The following EFL1 variants were observed in gnomAD, a reference collection of about 807,000 sequenced individuals.
EFL1 encodes elongation factor like GTPase 1.
EFL1 carries 76 observed loss-of-function variants against 126.7 expected under a neutral mutation model. The observed-to-expected ratio is 0.60, with a 90% confidence interval of 0.50 to 0.73. The LOEUF (loss-of-function observed/expected upper bound fraction) is 0.73, where lower values mean the gene tolerates loss of function less well. EFL1 is among the 30% of genes least tolerant of loss of function. The pLI is 0.00. For missense variants in EFL1, 1,128 were observed against 1,343.2 expected (o/e 0.84, Z 2.50); for synonymous variants, 410 against 448.4 (o/e 0.91, Z 1.08).
At chr15:82,199,646 T>C (rs888356213) in intron 15 of EFL1, among the ~76,000 whole-genome samples, 1 of 152,226 alleles carries the variant, frequency 6.6e-6, no homozygotes, top group African/African-American at 2.4e-5. Flanking sequence ...TGAACTTATT[T>C]AAATTCACAC....
intron 3 of EFL1, among the ~76,000 whole-genome samples, chr15:82,256,893 A>G (rs2075071506): frequency 6.6e-6 from 1 of 152,240 alleles, no homozygotes. Flanking sequence ...TTTTGCATCC[A>G]TAATCATAAG....
intron 13 of EFL1, 53 bp from the exon 14 acceptor site, chr15:82,219,871 A>G (rs757308507): frequency 2.8e-5 from 44 of 1,562,704 alleles, no homozygotes; most frequent in Non-Finnish European, 3.8e-5. Flanking sequence ...TAATTCAAGA[A>G]CTGTCTGAAA....
rs376037159 is a variant in EFL1 at position 82,258,727 on chromosome 15, C to T, written c.159+361G>A. Among the ~76,000 whole-genome samples the T allele has an allele frequency of 4.6e-5, 7 of 152,344 alleles. No homozygotes were observed. The East Asian group carries it at 1.2e-3, about 25-fold the overall frequency. Reference sequence around the variant, plus strand: ...CACTCCACTCAAATAGAGCACAACACACAAATTAGCCTTTATCCGTCTTAT... The same window carrying T: ...CACTCCACTCAAATAGAGCACAACATACAAATTAGCCTTTATCCGTCTTAT... On this transcript the variant is annotated intron_variant, in intron 3 of 19. Coordinates refer to ENST00000268206, the MANE Select transcript of EFL1 (RefSeq NM_024580.6).
At chr15:82,184,901 T>G (rs1008083190) in intron 15 of EFL1, among the ~76,000 whole-genome samples, 2 of 152,204 alleles carry the variant, frequency 1.3e-5, no homozygotes, top group Admixed American at 6.5e-5. Context: ...TTTGAGGATT[T>G]AGAGACAAGA....
intron 16 of EFL1, among the ~76,000 whole-genome samples, chr15:82,163,519 G>A (rs1355006247): frequency 2.6e-5 from 4 of 152,182 alleles, no homozygotes; most frequent in African/African-American, 4.8e-5. Context: ...CTGCGCAACA[G>A]AGTGAGACTC....
chr15:82,144,230 T>C (rs2073819080), intron 18 of EFL1, among the ~76,000 whole-genome samples: 1 of 146,868 alleles, frequency 6.8e-6, no homozygotes, highest in Non-Finnish European at 1.5e-5. Context: ...TACTCCAGCC[T>C]GGGTGACAGA....
chr15:82,249,024 C>A (rs2074997562), intron 4 of EFL1, among the ~76,000 whole-genome samples: 1 of 152,074 alleles, frequency 6.6e-6, no homozygotes, highest in Non-Finnish European at 1.5e-5. Context: ...TGTGCATACA[C>A]ATACAACTTG....
chr15:82,217,620 A>G (rs2074664479), intron 14 of EFL1, among the ~76,000 whole-genome samples: 2 of 152,168 alleles, frequency 1.3e-5, no homozygotes, highest in African/African-American at 4.8e-5. Flanking sequence ...TATTCTTTAG[A>G]AATACGTACA....
At chr15:82,248,629 G>A (rs35786339) in intron 4 of EFL1, among the ~76,000 whole-genome samples, 2,565 of 152,246 alleles carry the variant, frequency 0.017, 36 homozygotes, top group Middle Eastern at 0.058. Context: ...TGGTCTCCCT[G>A]TTTGGAGGAC....
chr15:82,244,199 C>T (rs1459953277), intron 4 of EFL1, among the ~76,000 whole-genome samples: 1 of 152,172 alleles, frequency 6.6e-6, no homozygotes, highest in South Asian at 2.1e-4. Flanking sequence ...AGTCCCATAT[C>T]CATTAGAGAA....
chr15:82,193,188 T>C (rs1212297219), intron 15 of EFL1, among the ~76,000 whole-genome samples: 1 of 152,232 alleles, frequency 6.6e-6, no homozygotes, highest in Admixed American at 6.5e-5. Flanking sequence ...GATTTTGCTA[T>C]AGTTTGTGAC....
At chr15:82,237,099 C>T (rs1328883278) in intron 7 of EFL1, among the ~76,000 whole-genome samples, 1 of 152,050 alleles carries the variant, frequency 6.6e-6, no homozygotes, top group Non-Finnish European at 1.5e-5. Flanking sequence ...GCCAAGATTG[C>T]GTCACTGCAC....
rs1219626270 is a variant in EFL1 at position 82,152,411 on chromosome 15, A to T, written c.2043T>A (p.Ile681=). The T allele has an allele frequency of 6.2e-7, 1 of 1,605,376 alleles. No homozygotes were observed. The highest frequency in any genetic ancestry group is 8.5e-7 in the Non-Finnish European group (1 of 1,177,558). ...LDDLKERFAK[I]HISVSEPIIP... ...TAATAGGTTCAGATACACTGATATG[A>T]ATCTTTGCAAACCTACAGACAAATT... The change falls in exon 18 of 20, where the codon ATT becomes ATA. Residue 681 remains isoleucine, a synonymous_variant. Coordinates refer to ENST00000268206, the MANE Select transcript of EFL1 (RefSeq NM_024580.6).
intron 15 of EFL1, among the ~76,000 whole-genome samples, chr15:82,190,753 T>C (rs903053223): frequency 5.9e-5 from 9 of 152,212 alleles, no homozygotes; most frequent in Admixed American, 2.6e-4. Flanking sequence ...TACTGATTAA[T>C]AGGAGCATCT....
In EFL1 at chr15:82,228,178, G is replaced by A. The variant is rs2074783933; in HGVS notation, c.1069+13C>T. 6.3e-7 allele frequency: 1 copy of A among 1,598,178 alleles called. No individual in the cohort carries two copies. The highest frequency in any genetic ancestry group is 8.5e-7 in the Non-Finnish European group (1 of 1,175,758). On this transcript the variant is annotated intron_variant, in intron 10 of 19. Coordinates refer to ENST00000268206, the MANE Select transcript of EFL1 (RefSeq NM_024580.6). ...AAAACTATTTCATTAAAAACCATTAGAATAAAGGATACCAAGAACAGCATG... is the reference window on the plus strand; with the variant it reads ...AAAACTATTTCATTAAAAACCATTAAAATAAAGGATACCAAGAACAGCATG...
At chr15:82,224,617 T>C (rs372181478) in intron 12 of EFL1, among the ~76,000 whole-genome samples, 1 of 152,062 alleles carries the variant, frequency 6.6e-6, no homozygotes, top group African/African-American at 2.4e-5. Flanking sequence ...TGCAACAATA[T>C]CCACAAGAGA....
chr15:82,184,877 G>T (rs1292510660), intron 15 of EFL1, among the ~76,000 whole-genome samples: 4 of 152,160 alleles, frequency 2.6e-5, no homozygotes, highest in African/African-American at 9.7e-5. Flanking sequence ...ACAAAGAAAT[G>T]TAGAGTTTCA....
intron 14 of EFL1, chr15:82,215,598 A>G (rs1469315741): frequency 6.6e-6 from 1 of 152,212 alleles, no homozygotes; most frequent in Non-Finnish European, 1.5e-5. Context: ...AAATGCAAGT[A>G]TCCAGAAGGC....
At chr15:82,194,858 G>C (rs1320648877) in intron 15 of EFL1, among the ~76,000 whole-genome samples, 2 of 152,128 alleles carry the variant, frequency 1.3e-5, no homozygotes, top group African/African-American at 4.8e-5. Context: ...TCGGAATCTT[G>C]TAATCAATGA....
Sources: allele counts gnomAD v4.1 joint callset (sites outside exome capture counted in the v4.1 genomes callset), GRCh38; gene constraint gnomAD v4.1.1; transcripts MANE v1.5; gene names NCBI Gene and HGNC (gene_info 2026-07-23, HGNC 2026-07-21).